The following SLC4A5 variants were observed in gnomAD, a reference collection of about 807,000 sequenced individuals.
SLC4A5 encodes solute carrier family 4 member 5.
SLC4A5 carries 96 observed loss-of-function variants against 120.4 expected under a neutral mutation model. The observed-to-expected ratio is 0.80, with a 90% CI of 0.68 to 0.94. The LOEUF (loss-of-function observed/expected upper bound fraction) is 0.94. Among genes scored for constraint, SLC4A5 ranks in the 40% least tolerant of loss-of-function variants. The pLI is 0.00. For synonymous variants in SLC4A5, 550 were observed against 571.1 expected, an observed-to-expected ratio of 0.96 and a Z score of 0.53; for missense variants, 1,259 against 1,459.5, an observed-to-expected ratio of 0.86 and a Z score of 2.24.
intron 24 of SLC4A5, 142 bp downstream of exon 24, chr2:74,232,327 A>G: frequency 1.1e-6 from 1 of 938,024 alleles, no homozygotes; most frequent in Non-Finnish European, 1.6e-6. Context: ...CTCCAGGGAT[A>G]GCACTCCTGT....
chr2:74,325,874 A>AAAGGGG (rs1313615054), intron 5 of SLC4A5, among the ~76,000 whole-genome samples: 16 of 139,720 alleles, frequency 1.1e-4, no homozygotes, highest in Admixed American at 7.3e-4. Context: ...GGGGAGGGGG[A>AAAGGGG]AAGGGGAAGG....
intron 21 of SLC4A5, among the ~76,000 whole-genome samples, chr2:74,237,999 G>A (rs938678702): frequency 6.6e-6 from 1 of 152,104 alleles, no homozygotes; most frequent in African/African-American, 2.4e-5. Flanking sequence ...CTATTTGGGA[G>A]GCTGAGGCAG....
intron 8 of SLC4A5, among the ~76,000 whole-genome samples, chr2:74,283,838 C>CT (rs1215361312): frequency 0.027 from 3,714 of 139,214 alleles, 138 homozygotes; most frequent in African/African-American, 0.081. Context: ...AATCTTATTC[C>CT]TTTTTTTTTT....
intron 7 of SLC4A5, among the ~76,000 whole-genome samples, chr2:74,300,668 T>C (rs1672453494): frequency 6.6e-6 from 1 of 152,204 alleles, no homozygotes; most frequent in Admixed American, 6.5e-5. Context: ...TATAGTTTCC[T>C]GTGCAGACCT....
intron 28 of SLC4A5, among the ~76,000 whole-genome samples, chr2:74,223,384 T>C (rs1694727394): frequency 1.3e-5 from 2 of 152,176 alleles, no homozygotes; most frequent in South Asian, 2.1e-4. Context: ...TCTAAACAGT[T>C]AGGGGATGCT....
At chr2:74,261,585 G>C (rs2104031497) in intron 11 of SLC4A5, among the ~76,000 whole-genome samples, 1 of 152,252 alleles carries the variant, frequency 6.6e-6, no homozygotes, top group East Asian at 1.9e-4. Context: ...CAGCTCGCCT[G>C]TCTGTGTATC....
intron 4 of SLC4A5, among the ~76,000 whole-genome samples, chr2:74,331,537 C>T (rs1673367109): frequency 6.6e-6 from 1 of 151,874 alleles, no homozygotes; most frequent in African/African-American, 2.4e-5. Flanking sequence ...AACCTGTCCT[C>T]CTTTGATTAC....
At chr2:74,247,880 A>AC (rs200601639) in intron 18 of SLC4A5, among the ~76,000 whole-genome samples, 1,656 of 152,260 alleles carry the variant, frequency 0.011, 27 homozygotes, top group African/African-American at 0.038. Context: ...CTCAGTGCTC[A>AC]CAGTTGGTAA....
At chr2:74,262,685 T>A (rs1573040093) in intron 10 of SLC4A5, among the ~76,000 whole-genome samples, 1 of 148,164 alleles carries the variant, frequency 6.7e-6, no homozygotes. Context: ...GGTGACAGAG[T>A]GAGACTCCGT....
chr2:74,262,848 GTTAC>G lies in SLC4A5; in HGVS notation c.716-620_716-617del, dbSNP rs552093271. ...TTAATGGCTTTGTGACCTTAGGCAA[GTTAC>G]TTAAACTCTCTGTGCCTCAGGCGTC... is the stretch of plus-strand genomic sequence containing the variant. On this transcript the variant is annotated intron_variant, in intron 10 of 30. Transcript: ENST00000394019. Among the ~76,000 whole-genome samples, 10 of 152,274 alleles carry G rather than the reference GTTAC, an allele frequency of 6.6e-5. No homozygotes were observed. In the East Asian group the frequency reaches 1.5e-3, roughly 23 times the overall value.
At chr2:74,275,402 G>C (rs1671607271) in intron 8 of SLC4A5, among the ~76,000 whole-genome samples, 1 of 152,206 alleles carries the variant, frequency 6.6e-6, no homozygotes, top group Admixed American at 6.5e-5. Context: ...AAACCTCTCT[G>C]AGGGCCACTT....
chr2:74,322,583 T>C (rs1673123133), intron 5 of SLC4A5, among the ~76,000 whole-genome samples: 1 of 152,184 alleles, frequency 6.6e-6, no homozygotes, highest in Non-Finnish European at 1.5e-5. Context: ...ATGAAACGAA[T>C]ATGATAAAAT....
At chr2:74,234,084 A>AC (rs1423084531) in intron 22 of SLC4A5, among the ~76,000 whole-genome samples, 2 of 152,040 alleles carry the variant, frequency 1.3e-5, no homozygotes, top group Admixed American at 6.6e-5. Context: ...AACAACAACA[A>AC]AAAAAACCTT....
At chr2:74,260,844 C>G (rs191821537) in intron 11 of SLC4A5, among the ~76,000 whole-genome samples, 2 of 152,192 alleles carry the variant, frequency 1.3e-5, no homozygotes, top group South Asian at 2.1e-4. Flanking sequence ...GAATAAAACC[C>G]GGGTTCTTTT....
intron 10 of SLC4A5, among the ~76,000 whole-genome samples, chr2:74,263,327 C>T (rs1671201389): frequency 6.6e-6 from 1 of 152,210 alleles, no homozygotes; most frequent in South Asian, 2.1e-4. Context: ...CTCAAGCAAT[C>T]CACCCACCTT....
intron 7 of SLC4A5, among the ~76,000 whole-genome samples, chr2:74,294,436 T>G (rs1672267207): frequency 6.6e-6 from 1 of 151,910 alleles, no homozygotes; most frequent in Non-Finnish European, 1.5e-5. Context: ...TCACCAAGAG[T>G]CTTCAATTTG....
chr2:74,318,503 T>C lies in SLC4A5; in HGVS notation c.-2-3478A>G, dbSNP rs1453625286. Among the ~76,000 whole-genome samples the C allele has an allele frequency of 3.9e-5, 6 of 152,232 alleles. No individual in the cohort carries two copies. The East Asian group carries it at 9.6e-4, about 24-fold the overall frequency. On this transcript the variant is annotated intron_variant, in intron 5 of 30. Transcript: ENST00000394019. ...GAGTTCAAGACCAGCTTGGCTAACA[T>C]GGTGAAACCCCGTATCTACTAAAAA...
chr2:74,306,709 C>G, intron 6 of SLC4A5: 1 of 1,179,324 alleles, frequency 8.5e-7, no homozygotes, highest in South Asian at 1.3e-5. Context: ...CCAAAGGGTA[C>G]CCTGCTTCTG....
chr2:74,246,888 G>A, intron 19 of SLC4A5, 148 bp downstream of exon 19: 1 of 1,073,338 alleles, frequency 9.3e-7, no homozygotes, highest in Non-Finnish European at 1.4e-6. Context: ...CAAACACTGG[G>A]TTCAAGACCC....
Sources: gnomAD v4.1 joint callset for allele counts (sites outside exome capture counted in the v4.1 genomes callset) on GRCh38, gnomAD v4.1.1 for gene constraint, MANE v1.5 for transcripts, NCBI Gene and HGNC (gene_info 2026-07-23, HGNC 2026-07-21) for gene names.